Variants in DLGAP2 observed in about 807,000 individuals in gnomAD.
The protein encoded by DLGAP2 is disks large-associated protein 2.
Under a neutral mutation model 100.3 loss-of-function variants are expected in DLGAP2, and 26 were observed. That is an observed-to-expected ratio of 0.26 (90% confidence interval 0.19 to 0.36). DLGAP2 has a LOEUF of 0.36. Among genes scored for constraint, DLGAP2 ranks in the 10% least tolerant of loss-of-function variants. The pLI is 1.00. For synonymous variants in DLGAP2, 886 were observed against 630.1 expected, an observed-to-expected ratio of 1.41 and a Z score of -6.08; for missense variants, 1,858 against 1,453.2, an observed-to-expected ratio of 1.28 and a Z score of -4.53.
intron 3 of DLGAP2, among the ~76,000 whole-genome samples, chr8:1,382,484 G>C (rs1796119344): frequency 6.6e-6 from 1 of 152,214 alleles, no homozygotes; most frequent in African/African-American, 2.4e-5. Flanking sequence ...AGCTGTAATT[G>C]CAGCGCTTTG....
At chr8:1,108,818 G>T (rs1241020696) in intron 2 of DLGAP2, among the ~76,000 whole-genome samples, 2 of 136,622 alleles carry the variant, frequency 1.5e-5, no homozygotes, top group Non-Finnish European at 3.1e-5. Flanking sequence ...TGTCTATGAG[G>T]TGTGCATGTG....
At chr8:1,110,472 T>A (rs1804918055) in intron 2 of DLGAP2, among the ~76,000 whole-genome samples, 1 of 150,290 alleles carries the variant, frequency 6.7e-6, no homozygotes, top group East Asian at 2.0e-4. Flanking sequence ...TGCATGGGTC[T>A]GTGACATGTG....
intron 2 of DLGAP2, among the ~76,000 whole-genome samples, chr8:1,102,542 A>G (rs1804619343): frequency 6.6e-6 from 1 of 151,972 alleles, no homozygotes. Flanking sequence ...GATATTATAT[A>G]TTTATACCAT....
chr8:847,794 T>A (rs1258961973), intron 1 of DLGAP2, among the ~76,000 whole-genome samples: 1 of 152,172 alleles, frequency 6.6e-6, no homozygotes, highest in East Asian at 1.9e-4. Context: ...CAGGCTTGAG[T>A]CACTGCGCCT....
chr8:778,165 C>T (rs1199710935), intron 1 of DLGAP2, among the ~76,000 whole-genome samples: 4 of 152,158 alleles, frequency 2.6e-5, no homozygotes, highest in East Asian at 1.9e-4. Context: ...GCATTCTTCA[C>T]GTAGTTCTTG....
intron 8 of DLGAP2, among the ~76,000 whole-genome samples, chr8:1,664,352 A>G (rs771328798): frequency 1.3e-5 from 2 of 151,916 alleles, no homozygotes; most frequent in African/African-American, 2.4e-5. Flanking sequence ...AGCTCCATCC[A>G]TCTCAAGGCA....
intron 2 of DLGAP2, among the ~76,000 whole-genome samples, chr8:1,233,619 C>G (rs1226392056): frequency 1.3e-5 from 2 of 150,796 alleles, no homozygotes; most frequent in Non-Finnish European, 2.9e-5. Context: ...CTGCCCAGCT[C>G]TGGGTCCAAT....
chr8:1,265,694 C>T (rs904864969), intron 3 of DLGAP2, among the ~76,000 whole-genome samples: 1 of 152,124 alleles, frequency 6.6e-6, no homozygotes. Flanking sequence ...ATCAATAAAG[C>T]CAGAGAGAAT....
chr8:1,701,060 G>C, intron 14 of DLGAP2, 128 bp from the exon 15 acceptor site: 1 of 795,046 alleles, frequency 1.3e-6, no homozygotes, highest in South Asian at 1.9e-5. Flanking sequence ...CGGGGGACGG[G>C]AGTGAAGGAT....
chr8:1,540,535 G>GAA (rs1205621174), intron 4 of DLGAP2, among the ~76,000 whole-genome samples: 1 of 150,862 alleles, frequency 6.6e-6, no homozygotes, highest in Non-Finnish European at 1.5e-5. Flanking sequence ...CATGAGAAAA[G>GAA]AAAAAAAAAC....
intron 1 of DLGAP2, among the ~76,000 whole-genome samples, chr8:888,526 C>A (rs1282930134): frequency 6.7e-6 from 1 of 150,286 alleles, no homozygotes; most frequent in Non-Finnish European, 1.5e-5. Flanking sequence ...TAATTTTGGT[C>A]TTTGAGGCTG....
chr8:1,044,432 C>T (rs539359742), intron 2 of DLGAP2, among the ~76,000 whole-genome samples: 10 of 152,330 alleles, frequency 6.6e-5, no homozygotes, highest in Admixed American at 1.3e-4. Flanking sequence ...GGGCCACAGA[C>T]AGCTGGGTGA....
chr8:1,248,786 G>C (rs1798972590), intron 2 of DLGAP2: 2 of 152,710 alleles, frequency 1.3e-5, no homozygotes, highest in African/African-American at 4.8e-5. Flanking sequence ...GTGAATCGAA[G>C]AGGCTTCTGG....
intron 5 of DLGAP2, among the ~76,000 whole-genome samples, chr8:1,558,168 G>C (rs1285173252): frequency 6.6e-6 from 1 of 152,180 alleles, no homozygotes. Flanking sequence ...CGCCTCTGTT[G>C]GTGGCCTCCT....
intron 6 of DLGAP2, among the ~76,000 whole-genome samples, chr8:1,590,226 G>C (rs1796250491): frequency 6.6e-6 from 1 of 152,182 alleles, no homozygotes; most frequent in African/African-American, 2.4e-5. Context: ...CTATTTCCAA[G>C]CGAGGTCATG....
At chr8:933,427 A>T (rs566537798) in intron 2 of DLGAP2, among the ~76,000 whole-genome samples, 13 of 144,614 alleles carry the variant, frequency 9.0e-5, no homozygotes, top group South Asian at 4.4e-4. Flanking sequence ...CCTGCAGTGG[A>T]CATCTGGCTG....
At chr8:859,326 G>C (rs1287328167) in intron 1 of DLGAP2, among the ~76,000 whole-genome samples, 2 of 152,090 alleles carry the variant, frequency 1.3e-5, no homozygotes, top group African/African-American at 4.8e-5. Flanking sequence ...TGGCCAGGCT[G>C]GTCTGAAACT....
chr8:1,096,972 A>G (rs2014659), intron 2 of DLGAP2, among the ~76,000 whole-genome samples: 68,406 of 112,232 alleles, frequency 0.61, 20,229 homozygotes, highest in Non-Finnish European at 0.71. Context: ...CATAGAGAGG[A>G]CCCCTCCAGC....
At chr8:1,507,736 C>T (rs947578086) in intron 4 of DLGAP2, among the ~76,000 whole-genome samples, 24 of 147,466 alleles carry the variant, frequency 1.6e-4, no homozygotes, top group African/African-American at 5.9e-4. Context: ...CCCAGGCATT[C>T]GTTCACCCAG....
Sources: allele counts gnomAD v4.1 joint callset (sites outside exome capture counted in the v4.1 genomes callset), GRCh38; gene constraint gnomAD v4.1.1; transcripts MANE v1.5; gene names NCBI Gene and HGNC (gene_info 2026-07-23, HGNC 2026-07-21).